NAT1: variants seen among roughly 807,000 people sequenced by gnomAD.
NAT1 encodes arylamine N-acetyltransferase 1.
For missense variants in NAT1, 400 were observed against 339.2 expected (o/e 1.18, Z -1.41); for synonymous variants, 144 against 122.6 (o/e 1.17, Z -1.16).
In NAT1 at chr8:18,223,573, G is replaced by A. The variant is rs1002659225; in HGVS notation, c.*653G>A. 3.0e-5 allele frequency: 5 copies of A among 166,898 alleles called. No homozygotes were observed. Among genetic ancestry groups the A allele is most frequent in the Non-Finnish European group, 2.9e-5 (2 of 68,106 alleles). The allele number at this position is 166,898 out of a possible 1,614,324, so 10.3% of individuals were successfully genotyped here. ...GGAATAATGCTTTTACAGTTTAGTG[G>A]CGGAACTAAACTCCCAAAATTATTT... On this transcript the variant is annotated 3_prime_UTR_variant, in exon 3 of 3. Coordinates refer to ENST00000307719, the MANE Select transcript of NAT1 (RefSeq NM_000662.8).
At chr8:18,221,386 T>C (rs1021612814) in intron 2 of NAT1, among the ~76,000 whole-genome samples, 4 of 151,920 alleles carry the variant, frequency 2.6e-5, no homozygotes, top group Admixed American at 2.0e-4. Context: ...CTTTCTTTAC[T>C]TTAGTTTTCC....
intron 2 of NAT1, among the ~76,000 whole-genome samples, chr8:18,174,263 C>T (rs1387217855): frequency 2.0e-5 from 3 of 152,128 alleles, no homozygotes; most frequent in African/African-American, 4.8e-5. Flanking sequence ...CTTATATCCA[C>T]CATCACTGAT....
chr8:18,199,123 G>C (rs142355949), intron 2 of NAT1, among the ~76,000 whole-genome samples: 1,538 of 151,966 alleles, frequency 0.01, 14 homozygotes, highest in Middle Eastern at 0.078. Flanking sequence ...AAACCAGCCT[G>C]ACCAACATAG....
At chr8:18,218,564 T>C (rs1804936310) in intron 1 of NAT1, among the ~76,000 whole-genome samples, 1 of 152,206 alleles carries the variant, frequency 6.6e-6, no homozygotes, top group Admixed American at 6.5e-5. Flanking sequence ...ATCAGAGATA[T>C]AGTTGTGTCT....
intron 2 of NAT1, among the ~76,000 whole-genome samples, chr8:18,185,306 A>G (rs548189869): frequency 6.6e-6 from 1 of 152,228 alleles, no homozygotes; most frequent in Non-Finnish European, 1.5e-5. Flanking sequence ...GAATTTTTTA[A>G]ATTTATAGAT....
At chr8:18,215,762 G>C (rs1251613678) in intron 1 of NAT1, among the ~76,000 whole-genome samples, 1 of 151,952 alleles carries the variant, frequency 6.6e-6, no homozygotes, top group Non-Finnish European at 1.5e-5. Context: ...TGTATGTATA[G>C]CTCTGTTTCC....
intron 2 of NAT1, among the ~76,000 whole-genome samples, chr8:18,182,364 G>C (rs546654577): frequency 4.6e-5 from 7 of 152,050 alleles, no homozygotes; most frequent in African/African-American, 1.7e-4. Context: ...CATACTATTA[G>C]TGCATTTTGT....
chr8:18,213,206 C>G (rs1345467694), intron 1 of NAT1, among the ~76,000 whole-genome samples: 1 of 152,026 alleles, frequency 6.6e-6, no homozygotes, highest in Non-Finnish European at 1.5e-5. Context: ...GCCATTGCAC[C>G]AAGACCCGAT....
At chr8:18,191,933 G>A (rs1022499941) in intron 2 of NAT1, among the ~76,000 whole-genome samples, 5 of 152,100 alleles carry the variant, frequency 3.3e-5, no homozygotes, top group East Asian at 1.9e-4. Flanking sequence ...GCATGGGCAA[G>A]GACTTCATGT....
intron 2 of NAT1, among the ~76,000 whole-genome samples, chr8:18,178,153 T>C (rs7836080): frequency 0.26 from 40,013 of 151,770 alleles, 5,810 homozygotes; most frequent in South Asian, 0.38. Flanking sequence ...ATAACACCAC[T>C]AGAGGCAAAC....
chr8:18,195,818 A>G (rs1424583574), intron 2 of NAT1, among the ~76,000 whole-genome samples: 1 of 152,000 alleles, frequency 6.6e-6, no homozygotes, highest in African/African-American at 2.4e-5. Flanking sequence ...GTGTTCAGGA[A>G]CTTCTCCTTG....
chr8:18,174,470 A>G (rs189670886), intron 2 of NAT1, among the ~76,000 whole-genome samples: 91 of 152,292 alleles, frequency 6.0e-4, no homozygotes, highest in Non-Finnish European at 6.5e-4. Context: ...AAGATATTCA[A>G]GGATGGCTGG....
rs1009215309 is a variant in NAT1 at position 18,222,582 on chromosome 8, G to A, written c.535G>A (p.Asp179Asn). 9 of 1,613,834 alleles carry A rather than the reference G, an allele frequency of 5.6e-6. No homozygotes were observed. The Admixed American group carries it at 8.3e-5, about 15-fold the overall frequency. The change falls in exon 3 of 3, where the codon GAT becomes AAT. Residue 179 changes from aspartate to asparagine, a missense_variant. Physicochemically the swap from Asp to Asn is conservative, Grantham distance 23 (BLOSUM62 1). Coordinates refer to ENST00000307719, the MANE Select transcript of NAT1 (RefSeq NM_000662.8). ...TCCAAATGAAGAATTTCTTCATTCT[G>A]ATCTCCTAGAAGACAGCAAATACCG... The part of the protein sequence containing the change: ...YIPNEEFLHS[D>N]LLEDSKYRKI...
At chr8:18,212,491 G>A (rs942780521) in intron 1 of NAT1, 2 of 152,226 alleles carry the variant, frequency 1.3e-5, no homozygotes, top group African/African-American at 2.4e-5. Flanking sequence ...TGCTGGGAGA[G>A]CCCCAGCTGC....
chr8:18,177,175 A>T (rs1802326878), intron 2 of NAT1, among the ~76,000 whole-genome samples: 1 of 151,950 alleles, frequency 6.6e-6, no homozygotes, highest in Non-Finnish European at 1.5e-5. Flanking sequence ...TTCCTTCCTC[A>T]TCTGTCTCTT....
At chr8:18,189,316 G>C (rs1294325209) in intron 2 of NAT1, among the ~76,000 whole-genome samples, 1 of 152,014 alleles carries the variant, frequency 6.6e-6, no homozygotes, top group Non-Finnish European at 1.5e-5. Context: ...CACTGTGCTA[G>C]CTACTTTATG....
chr8:18,213,705 T>C (rs1285243316), intron 1 of NAT1, among the ~76,000 whole-genome samples: 1 of 152,210 alleles, frequency 6.6e-6, no homozygotes, highest in East Asian at 1.9e-4. Flanking sequence ...CTTTAAAAAA[T>C]GTTATACCTA....
chr8:18,208,773 G>A (rs1803847830), upstream of NAT1, among the ~76,000 whole-genome samples: 1 of 152,188 alleles, frequency 6.6e-6, no homozygotes, highest in Non-Finnish European at 1.5e-5. Context: ...CTTGATTCTA[G>A]GCTGGAGGCC....
intron 2 of NAT1, among the ~76,000 whole-genome samples, chr8:18,183,564 G>A (rs908659155): frequency 6.6e-6 from 1 of 152,162 alleles, no homozygotes; most frequent in Non-Finnish European, 1.5e-5. Flanking sequence ...AAATAGCCCT[G>A]AGGAGTCAGA....
Sources: allele counts gnomAD v4.1 joint callset (sites outside exome capture counted in the v4.1 genomes callset), GRCh38; gene constraint gnomAD v4.1.1; transcripts MANE v1.5; gene names NCBI Gene and HGNC (gene_info 2026-07-23, HGNC 2026-07-21).